Variants in MT4 observed in about 807,000 individuals in gnomAD.
MT4 encodes the protein metallothionein 4.
MT4 carries 11 observed loss-of-function variants against 9.5 expected under a neutral mutation model. The observed-to-expected ratio is 1.16, with a 90% confidence interval of 0.73 to 1.92. The LOEUF (loss-of-function observed/expected upper bound fraction) is 1.92, where lower values mean the gene tolerates loss of function less well. MT4 is among the 30% of genes most tolerant of loss of function. MT4 has a pLI of 0.00. For synonymous variants in MT4, 29 were observed against 24.6 expected (o/e 1.18, Z -0.53); for missense variants, 88 against 78.7 (o/e 1.12, Z -0.45).
chr16:56,566,799 AAAG>A (rs879314110), intron 1 of MT4, among the ~76,000 whole-genome samples: 4,376 of 55,262 alleles, frequency 0.079, 124 homozygotes, highest in Middle Eastern at 0.17. Flanking sequence ...AGAAAGAAAG[AAAG>A]AAAGAAAGAA....
chr16:56,568,826 T>G lies in MT4; in HGVS notation c.98-15T>G. ...TTGACCCACAGCGGATCTGCGCATC[T>G]CCTGACTCTTTCAGGCTGCTGTCCC... On this transcript the variant is annotated splice_polypyrimidine_tract_variant and intron_variant, in intron 2 of 2. Transcript: ENST00000219162. The G allele has an allele frequency of 6.4e-7, 1 of 1,573,786 alleles. No homozygotes were observed. Among genetic ancestry groups the G allele is most frequent in the Non-Finnish European group, 8.6e-7 (1 of 1,158,560 alleles).
At chr16:56,568,211 GAGAGAAAGAAAGAAAGAA>G (rs1467685422) in intron 2 of MT4, among the ~76,000 whole-genome samples, 4 of 57,918 alleles carry the variant, frequency 6.9e-5, no homozygotes, top group African/African-American at 1.3e-4. Flanking sequence ...GAGAGAGAGA[GAGAGAAAGAAAGAAAGAA>G]AGAAAGAAAG....
rs773751722 is a variant in MT4 at position 56,565,133 on chromosome 16, A to C, written c.5A>C (p.Asp2Ala). Residue 2 changes from aspartate to alanine, a missense_variant, in exon 1 of 3, where the codon GAC becomes GCC. Transcript: ENST00000219162. M[D>A]PRECVCMSGG... ...AGCCTTTCGGACACCTGGACCATGG[A>C]CCCCAGGGAATGTGTCTGCATGTCT... The C allele has an allele frequency of 1.9e-6, 3 of 1,612,700 alleles. No individual in the cohort carries two copies. Among genetic ancestry groups the C allele is most frequent in the Non-Finnish European group, 2.5e-6 (3 of 1,179,484 alleles).
At chr16:56,565,928 A>G (rs537012591) in intron 1 of MT4, among the ~76,000 whole-genome samples, 1 of 151,882 alleles carries the variant, frequency 6.6e-6, no homozygotes, top group African/African-American at 2.4e-5. Flanking sequence ...AGCTGGGCGT[A>G]GTAGGGTGCA....
intron 1 of MT4, among the ~76,000 whole-genome samples, chr16:56,566,799 AAAGAAAGAAAGAAAG>A (rs1424458456): frequency 2.0e-4 from 11 of 55,258 alleles, no homozygotes; most frequent in Non-Finnish European, 3.9e-4. Context: ...AGAAAGAAAG[AAAGAAAGAAAGAAAG>A]AAAGAAAAGA....
At chr16:56,565,463 C>T (rs759649748) in intron 1 of MT4, among the ~76,000 whole-genome samples, 13 of 152,230 alleles carry the variant, frequency 8.5e-5, no homozygotes, top group Admixed American at 3.9e-4. Context: ...GAGCTCTAAA[C>T]CAGAATCTGG....
At chr16:56,566,306 T>C (rs908475508) in intron 1 of MT4, among the ~76,000 whole-genome samples, 4 of 151,676 alleles carry the variant, frequency 2.6e-5, no homozygotes, top group Non-Finnish European at 5.9e-5. Flanking sequence ...GGATGATCAC[T>C]TATGCCCAAG....
chr16:56,567,695 T>C, intron 1 of MT4, 56 bp from the exon 2 acceptor site: 1 of 1,532,456 alleles, frequency 6.5e-7, no homozygotes, highest in Non-Finnish European at 9.0e-7. Context: ...TCATGCCTTA[T>C]GTTCCCCACT....
At chr16:56,566,721 A>AGAAGGAAGGAAGGAAGGAAGGAAGGAAG (rs1567329781) in intron 1 of MT4, among the ~76,000 whole-genome samples, 12 of 20,224 alleles carry the variant, frequency 5.9e-4, no homozygotes, top group Non-Finnish European at 7.0e-4. Context: ...AAAGAAAGAA[A>AGAAGGAAGGAAGGAAGGAAGGAAGGAAG]GAAAGAAAGA....
In MT4 at chr16:56,565,172, G is replaced by T. The variant is rs751516508; in HGVS notation, c.31+13G>T. 13 of 1,610,536 alleles carry T rather than the reference G, an allele frequency of 8.1e-6. No individual in the cohort carries two copies. The highest frequency in any genetic ancestry group is 1.1e-5 in the Non-Finnish European group (13 of 1,178,448). On this transcript the variant is annotated intron_variant, in intron 1 of 2. Coordinates refer to ENST00000219162, the MANE Select transcript of MT4 (RefSeq NM_032935.3). ...GTCTGCATGTCTGGTGAGTAAAGAAGCCCTCCCTGGGGTCTGGGAACCTTG... is the reference window on the plus strand; with the variant it reads ...GTCTGCATGTCTGGTGAGTAAAGAATCCCTCCCTGGGGTCTGGGAACCTTG...
In MT4 at chr16:56,565,094, C is replaced by T. The variant is rs758257413; in HGVS notation, c.-35C>T. 6.4e-5 allele frequency: 103 copies of T among 1,612,224 alleles called. No homozygotes were observed. The highest frequency in any genetic ancestry group is 8.2e-5 in the Non-Finnish European group (97 of 1,179,218). ...GCTCACTCAGCCTCCCTTCCCCAGC[C>T]GTGACAGCACTGGAGCCTTTCGGAC... On this transcript the variant is annotated 5_prime_UTR_variant, in exon 1 of 3. Coordinates refer to ENST00000219162, the MANE Select transcript of MT4 (RefSeq NM_032935.3).
intron 1 of MT4, among the ~76,000 whole-genome samples, chr16:56,566,819 A>AAGGAAGGAAGGAAAG (rs1567330038): frequency 7.6e-5 from 4 of 52,482 alleles, no homozygotes; most frequent in Non-Finnish European, 1.6e-4. Context: ...AGAAAGAAAG[A>AAGGAAGGAAGGAAAG]AAAGAAAGAA....
At chr16:56,566,895 GAAAC>G (rs1181317661) in intron 1 of MT4, among the ~76,000 whole-genome samples, 1 of 151,914 alleles carries the variant, frequency 6.6e-6, no homozygotes, top group Admixed American at 6.6e-5. Context: ...AGGAAAGGAA[GAAAC>G]AAACAAAACA....
chr16:56,568,249 A>AGAGAG lies in MT4; in HGVS notation c.97+433_97+434insGAGAG, dbSNP rs1567330579. On this transcript the variant is annotated intron_variant, in intron 2 of 2. Coordinates refer to ENST00000219162, the MANE Select transcript of MT4 (RefSeq NM_032935.3). ...AAAGAAAGAAAGAAAGAAAGAAAGA[A>AGAGAG]AGAAAGAAAGAGAGAGAGAGAGAGA... 1.8e-3 allele frequency among the ~76,000 whole-genome samples: 81 copies of AGAGAG among 45,036 alleles called. 2 individuals carry two copies. The highest frequency in any genetic ancestry group is 6.1e-3 in the African/African-American group (74 of 12,152). 29.5% of individuals were successfully genotyped at this position (45,036 alleles called of 152,430 possible).
intron 2 of MT4, among the ~76,000 whole-genome samples, chr16:56,568,197 AAGAGAGAG>A (rs369467435): frequency 0.01 from 971 of 93,282 alleles, 20 homozygotes; most frequent in African/African-American, 0.036. Context: ...GGAAGGAAGG[AAGAGAGAG>A]AGAGAGAGAG....
At chr16:56,567,181 G>A (rs895543113) in intron 1 of MT4, among the ~76,000 whole-genome samples, 2 of 151,468 alleles carry the variant, frequency 1.3e-5, no homozygotes, top group Non-Finnish European at 2.9e-5. Flanking sequence ...GTGCCACCAC[G>A]CCTGGCTAAT....
chr16:56,565,768 T>C (rs1959510252), intron 1 of MT4, among the ~76,000 whole-genome samples: 1 of 152,154 alleles, frequency 6.6e-6, no homozygotes, highest in African/African-American at 2.4e-5. Context: ...GGAAATGGTA[T>C]GAAGAAGTCT....
In MT4 at chr16:56,567,777, T is replaced by G; in HGVS notation, c.58T>G (p.Cys20Gly). Residue 20 changes from cysteine (C) to glycine (G), a missense_variant, in exon 2 of 3, where the codon TGC becomes GGC. Physicochemically the swap from Cys to Gly is radical, Grantham distance 159. Coordinates refer to ENST00000219162, the MANE Select transcript of MT4 (RefSeq NM_032935.3). ...AGGAATCTGCATGTGTGGAGACAACTGCAAATGCACAACCTGCAACTGTAA... is the reference window on the plus strand; with the variant it reads ...AGGAATCTGCATGTGTGGAGACAACGGCAAATGCACAACCTGCAACTGTAA... ...SGGICMCGDN[C>G]KCTTCNCKTY... is the part of the protein sequence containing the mutation. 6.2e-7 allele frequency: 1 copy of G among 1,613,540 alleles called. No individual in the cohort carries two copies. The highest frequency in any genetic ancestry group is 1.1e-5 in the South Asian group (1 of 91,086).
intron 1 of MT4, among the ~76,000 whole-genome samples, chr16:56,566,986 T>C (rs142252366): frequency 6.6e-6 from 1 of 152,294 alleles, no homozygotes; most frequent in African/African-American, 2.4e-5. Context: ...AGTTTTCATC[T>C]TGACTTGTGA....
Sources: allele counts gnomAD v4.1 joint callset (sites outside exome capture counted in the v4.1 genomes callset), GRCh38; gene constraint gnomAD v4.1.1; transcripts MANE v1.5; gene names NCBI Gene and HGNC (gene_info 2026-07-23, HGNC 2026-07-21).